The following SPTBN1 variants were observed in gnomAD, a reference collection of about 807,000 sequenced individuals.
The protein encoded by SPTBN1 is spectrin beta chain, non-erythrocytic 1.
A neutral mutation model predicts 266.4 loss-of-function variants in SPTBN1; 32 were observed. The ratio of observed to expected loss-of-function variants is 0.12; its 90% CI spans 0.09 to 0.16. The LOEUF is 0.16. Ranked by LOEUF, SPTBN1 falls within the 10% of genes least tolerant of loss-of-function variation. SPTBN1 has a pLI of 1.00. For missense variants in SPTBN1, 2,296 were observed against 3,067.1 expected, an observed-to-expected ratio of 0.75 and a Z score of 5.94; for synonymous variants, 1,336 against 1,162.2, an observed-to-expected ratio of 1.15 and a Z score of -3.04.
chr2:54,597,420 A>T (rs1225361300), intron 2 of SPTBN1, among the ~76,000 whole-genome samples: 1 of 152,110 alleles, frequency 6.6e-6, no homozygotes, highest in Non-Finnish European at 1.5e-5. Flanking sequence ...CCTGCCCCTT[A>T]CTGTCTTTTT....
intron 33 of SPTBN1, 146 bp from the exon 34 acceptor site, chr2:54,665,769 G>A: frequency 9.7e-6 from 9 of 927,446 alleles, no homozygotes; most frequent in Non-Finnish European, 1.4e-5. Context: ...AATTTAGGAA[G>A]GGCTTGTAAT....
intron 1 of SPTBN1, among the ~76,000 whole-genome samples, chr2:54,495,679 T>TTTTTTTTTTTTTTTATTATACTC (rs1279259203): frequency 7.0e-6 from 1 of 142,990 alleles, no homozygotes. Flanking sequence ...GCATGTGTTT[T>TTTTTTTTTTTTTTTATTATACTC]TACCTTTATT....
At chr2:54,592,500 T>C (rs1453194958) in intron 2 of SPTBN1, among the ~76,000 whole-genome samples, 1 of 152,076 alleles carries the variant, frequency 6.6e-6, no homozygotes, top group Non-Finnish European at 1.5e-5. Flanking sequence ...TTCTCCTGCC[T>C]CAGCCTCCCG....
rs1223132540 is a variant in SPTBN1, at chr2:54,533,757, G to T, written c.148+7191G>T. ...GTAGAGACGGGGTTTCACCATGTTG[G>T]CCAGGCTGGTCTCGAACTCCTGACC... On this transcript the variant is annotated intron_variant, in intron 2 of 35. Coordinates refer to ENST00000356805, the MANE Select transcript of SPTBN1 (RefSeq NM_003128.3). This position sits in a 1 kb window ranked among gnomAD's most constrained non-coding sequence, Gnocchi z 4.2. Among the ~76,000 whole-genome samples, 2 of 152,068 alleles carry T rather than the reference G, an allele frequency of 1.3e-5. No individual in the cohort carries two copies. Among genetic ancestry groups the T allele is most frequent in the East Asian group, 3.9e-4 (2 of 5,186 alleles).
chr2:54,515,747 G>A (rs1361824009), intron 1 of SPTBN1: 1 of 152,064 alleles, frequency 6.6e-6, no homozygotes, highest in Admixed American at 6.6e-5. Flanking sequence ...GGCTGGTCTC[G>A]AACTCATGGC....
chr2:54,644,351 C>T lies in SPTBN1; in HGVS notation c.4034C>T (p.Pro1345Leu). 6.2e-7 allele frequency: 1 copy of T among 1,612,484 alleles called. No homozygotes were observed. Among genetic ancestry groups the T allele is most frequent in the Non-Finnish European group, 8.5e-7 (1 of 1,178,510 alleles). Residue 1345 changes from proline (P) to leucine (L), a missense_variant, in exon 20 of 36, where the codon CCT (proline) becomes CTT (leucine). Pro to Leu is a moderately conservative substitution (Grantham distance 98). Coordinates refer to ENST00000356805, the MANE Select transcript of SPTBN1 (RefSeq NM_003128.3). ...GGAATGCAGCTCATTTCAGAAAAGC[C>T]TGAGACGGAAGCTGTGGTGAAGGAG... ...KEGMQLISEK[P>L]ETEAVVKEKL... is the part of the protein sequence containing the mutation.
intron 2 of SPTBN1, among the ~76,000 whole-genome samples, chr2:54,565,497 C>T (rs1326489251): frequency 6.6e-6 from 1 of 152,078 alleles, no homozygotes; most frequent in Non-Finnish European, 1.5e-5. Context: ...ACAGTTGGCT[C>T]AAGAGCCACT....
rs113152566 is a variant in SPTBN1 at position 54,635,559 on chromosome 2, A to G, written c.3768-2154A>G. 5.6e-3 allele frequency among the ~76,000 whole-genome samples: 855 copies of G among 152,336 alleles called. 12 individuals are homozygous for G. Among genetic ancestry groups the G allele is most frequent in the African/African-American group, 0.02 (823 of 41,572 alleles). ...TGATTATATAAGAAATACATTCAGG[A>G]TTCTGTATGGTCATATTTCTCCCTT... is the stretch of plus-strand genomic sequence containing the variant. On this transcript the variant is annotated intron_variant, in intron 17 of 35. Coordinates refer to ENST00000356805, the MANE Select transcript of SPTBN1 (RefSeq NM_003128.3).
chr2:54,502,273 TTC>T (rs1669315452), intron 1 of SPTBN1, among the ~76,000 whole-genome samples: 1 of 152,052 alleles, frequency 6.6e-6, no homozygotes, highest in Non-Finnish European at 1.5e-5. Context: ...TTTGTTAGTC[TTC>T]TCAGGAGCCT....
At position 54,659,945 on chromosome 2, in the gene SPTBN1, A is replaced by T; in HGVS notation, c.6366A>T (p.Ser2122=). The T allele has an allele frequency of 6.2e-7, 1 of 1,614,134 alleles. No homozygotes were observed. The highest frequency in any genetic ancestry group is 8.5e-7 in the Non-Finnish European group (1 of 1,180,008). The part of the protein sequence containing the change: ...EAESQQQWDT[S]KGEQVSQNGL... ...CCCTCTTCCCTAACAGGGATACTTC[A>T]AAAGGAGAACAAGTTTCCCAAAACG... The change falls in exon 32 of 36, where the codon TCA becomes TCT. Residue 2122 remains serine (S), a synonymous_variant. Transcript: ENST00000356805.
intron 26 of SPTBN1, chr2:54,652,652 A>C (rs1680373103): frequency 6.6e-6 from 1 of 151,540 alleles, no homozygotes; most frequent in African/African-American, 2.4e-5. Flanking sequence ...TTTCATGGGT[A>C]CTGCCCATTT....
At chr2:54,659,082 G>A in intron 30 of SPTBN1, 72 bp from the exon 31 acceptor site, 1 of 1,539,028 alleles carries the variant, frequency 6.5e-7, no homozygotes, top group Non-Finnish European at 9.0e-7. Context: ...GGACTTCCTG[G>A]GTTCCTAGAA....
In SPTBN1 at chr2:54,599,027, C is replaced by T. The variant is rs1188160355; in HGVS notation, c.149-65C>T. The stretch of plus-strand genomic sequence containing the variant: ...CTCTGGCTGGGGTCTTGTGGCCCTG[C>T]TAGCATGTGCCTGCTCCTGCCAGTT... On this transcript the variant is annotated intron_variant, in intron 2 of 35. Transcript: ENST00000356805. 11 of 1,574,316 alleles carry T rather than the reference C, an allele frequency of 7.0e-6. No homozygotes were observed. The East Asian group carries it at 2.0e-4, about 29-fold the overall frequency.
Position 54,668,940 on chromosome 2 carries a change from A to C in SPTBN1, c.*371A>C, listed in dbSNP as rs912100051. On this transcript the variant is annotated 3_prime_UTR_variant, in exon 36 of 36. Transcript: ENST00000356805. Reference sequence around the variant, plus strand: ...ATATTTCCTGTGCTCACCAGAGGCAAAATGTACCAATATCCTGACACCATT... The same window carrying C: ...ATATTTCCTGTGCTCACCAGAGGCACAATGTACCAATATCCTGACACCATT... The C allele has an allele frequency of 4.2e-6, 1 of 238,554 alleles. No individual in the cohort carries two copies. Among genetic ancestry groups the C allele is most frequent in the African/African-American group, 2.3e-5 (1 of 42,896 alleles). The allele number at this position is 238,554 out of a possible 1,614,324, so 14.8% of individuals were successfully genotyped here. A position where few individuals can be genotyped will look rare whatever the true frequency, so the allele number is the denominator to read the frequency against.
intron 2 of SPTBN1, among the ~76,000 whole-genome samples, chr2:54,528,905 C>T (rs968968536): frequency 6.6e-6 from 1 of 152,152 alleles, no homozygotes; most frequent in Non-Finnish European, 1.5e-5. Context: ...AGTGAATTTA[C>T]AAGATACCAG....
chr2:54,559,196 T>C (rs1056740197), intron 2 of SPTBN1, among the ~76,000 whole-genome samples: 3 of 152,154 alleles, frequency 2.0e-5, no homozygotes, highest in Non-Finnish European at 2.9e-5. Context: ...CATAGACTTA[T>C]TAGTATGCAG....
chr2:54,587,866 C>T (rs1252493373), intron 2 of SPTBN1, among the ~76,000 whole-genome samples: 1 of 152,138 alleles, frequency 6.6e-6, no homozygotes, highest in Non-Finnish European at 1.5e-5. Flanking sequence ...CCCGAGTTCA[C>T]CCTGTGACTG....
At chr2:54,512,955 T>C (rs191439789) in intron 1 of SPTBN1, among the ~76,000 whole-genome samples, 17 of 152,308 alleles carry the variant, frequency 1.1e-4, no homozygotes, top group Non-Finnish European at 2.4e-4. Context: ...TCCCAGACTT[T>C]GGGAGGCTGA....
intron 2 of SPTBN1, among the ~76,000 whole-genome samples, chr2:54,594,360 A>G (rs1675903744): frequency 6.6e-6 from 1 of 152,326 alleles, no homozygotes; most frequent in East Asian, 1.9e-4. Flanking sequence ...TAGAATACAA[A>G]TAAGATGCAA....
Sources: gnomAD v4.1 joint callset for allele counts (sites outside exome capture counted in the v4.1 genomes callset) on GRCh38, gnomAD v4.1.1 for gene constraint, Gnocchi (gnomAD v3.1) non-coding constraint, MANE v1.5 for transcripts, NCBI Gene and HGNC (gene_info 2026-07-23, HGNC 2026-07-21) for gene names.